Variants in PRORP observed in about 807,000 individuals in gnomAD.
PRORP encodes mitochondrial ribonuclease P catalytic subunit.
Under a neutral mutation model 59.4 loss-of-function variants are expected in PRORP, and 51 were observed. The ratio of observed to expected loss-of-function variants is 0.86; its 90% confidence interval spans 0.69 to 1.08. The LOEUF is 1.08. Ranked by LOEUF, PRORP falls within the 50% of genes least tolerant of loss-of-function variation. The pLI, the probability that PRORP is intolerant of heterozygous loss-of-function variation, is 0.00. For missense variants in PRORP, 646 were observed against 690.3 expected (o/e 0.94, Z 0.72); for synonymous variants, 231 against 245.6 (o/e 0.94, Z 0.55).
At chr14:35,151,637 CAT>C (rs1229307627) in intron 4 of PRORP, among the ~76,000 whole-genome samples, 75 of 112,018 alleles carry the variant, frequency 6.7e-4, no homozygotes, top group African/African-American at 1.8e-3. Context: ...TACACACACA[CAT>C]ACACACACAC....
At chr14:35,204,207 T>C (rs904869356) in intron 5 of PRORP, among the ~76,000 whole-genome samples, 1 of 152,162 alleles carries the variant, frequency 6.6e-6, no homozygotes, top group African/African-American at 2.4e-5. Flanking sequence ...TGTCACATGG[T>C]CATGTTACTG....
intron 5 of PRORP, among the ~76,000 whole-genome samples, chr14:35,225,934 G>A (rs946571493): frequency 3.3e-5 from 5 of 152,082 alleles, no homozygotes; most frequent in African/African-American, 1.2e-4. Context: ...AAGAAGCATA[G>A]CTCCTAAATC....
At position 35,124,010 on chromosome 14, in the gene PRORP, C is replaced by T. The variant is rs145527427; in HGVS notation, c.765C>T (p.Leu255=). 91 of 1,613,936 alleles carry T rather than the reference C, an allele frequency of 5.6e-5. No individual in the cohort carries two copies. In the African/African-American group the frequency reaches 1.1e-3, roughly 19 times the overall value. Residue 255 remains leucine, a synonymous_variant, in exon 2 of 8, where the codon CTC becomes CTT. Coordinates refer to ENST00000534898, the MANE Select transcript of PRORP (RefSeq NM_014672.4). ...ATAATGACTGTATCCAGGGAGCTCTCCTTCATCAAGATGTAAACACAGCTT... is the reference window on the plus strand; with the variant it reads ...ATAATGACTGTATCCAGGGAGCTCTTCTTCATCAAGATGTAAACACAGCTT... ...KNYNDCIQGA[L]LHQDVNTAWN...
At chr14:35,203,054 GT>G (rs879433852) in intron 5 of PRORP, among the ~76,000 whole-genome samples, 1 of 152,032 alleles carries the variant, frequency 6.6e-6, no homozygotes, top group Non-Finnish European at 1.5e-5. Context: ...TAATAAGAAG[GT>G]TTTTTTAAAA....
At chr14:35,180,146 G>T (rs920237427) in intron 4 of PRORP, among the ~76,000 whole-genome samples, 4 of 152,120 alleles carry the variant, frequency 2.6e-5, no homozygotes, top group Non-Finnish European at 4.4e-5. Context: ...GCCCCTACTT[G>T]GGCTACTCGG....
chr14:35,156,429 A>T (rs77332892), intron 4 of PRORP, among the ~76,000 whole-genome samples: 1,916 of 152,194 alleles, frequency 0.013, 35 homozygotes, highest in African/African-American at 0.041. Flanking sequence ...GCTAATTTAA[A>T]CATAGGTGTT....
intron 5 of PRORP, among the ~76,000 whole-genome samples, chr14:35,225,238 G>A (rs1258818034): frequency 6.6e-6 from 1 of 152,166 alleles, no homozygotes; most frequent in Admixed American, 6.5e-5. Flanking sequence ...ATACTTTGGT[G>A]TAGGAGATTT....
chr14:35,215,950 A>G (rs2049577704), intron 5 of PRORP, among the ~76,000 whole-genome samples: 1 of 151,726 alleles, frequency 6.6e-6, no homozygotes, highest in Non-Finnish European at 1.5e-5. Flanking sequence ...TATTTTTAGT[A>G]GAGACCGGGT....
intron 5 of PRORP, among the ~76,000 whole-genome samples, chr14:35,199,264 G>A (rs905799879): frequency 6.6e-6 from 1 of 151,452 alleles, no homozygotes; most frequent in African/African-American, 2.4e-5. Flanking sequence ...GAACCCGGAA[G>A]GCGGATGTTG....
At chr14:35,260,792 A>G (rs1411386045) in intron 5 of PRORP, among the ~76,000 whole-genome samples, 1 of 152,226 alleles carries the variant, frequency 6.6e-6, no homozygotes, top group Non-Finnish European at 1.5e-5. Flanking sequence ...GGTATTTAAC[A>G]GTCAAGTGCT....
intron 4 of PRORP, among the ~76,000 whole-genome samples, chr14:35,150,973 G>A (rs1432354494): frequency 2.6e-5 from 4 of 152,244 alleles, no homozygotes; most frequent in African/African-American, 9.6e-5. Context: ...TACAGCGAGT[G>A]ATCTTTTCTC....
At chr14:35,231,337 T>TA (rs144156810) in intron 5 of PRORP, among the ~76,000 whole-genome samples, 5,039 of 152,272 alleles carry the variant, frequency 0.033, 257 homozygotes, top group African/African-American at 0.11. Context: ...TATGGGAAAT[T>TA]ACCAGTTTTT....
intron 5 of PRORP, among the ~76,000 whole-genome samples, chr14:35,244,747 C>G (rs770261611): frequency 3.3e-5 from 5 of 152,044 alleles, no homozygotes; most frequent in Non-Finnish European, 7.3e-5. Context: ...TAAGAAGTTC[C>G]CTGTGTGTCC....
At chr14:35,167,564 G>T (rs1164934737) in intron 4 of PRORP, among the ~76,000 whole-genome samples, 1 of 152,088 alleles carries the variant, frequency 6.6e-6, no homozygotes, top group Non-Finnish European at 1.5e-5. Context: ...ATACTTTTTA[G>T]CCACGTGGCT....
chr14:35,180,664 T>C lies in PRORP; in HGVS notation c.1168-6T>C, dbSNP rs1436821199. On this transcript the variant is annotated splice_region_variant and splice_polypyrimidine_tract_variant and intron_variant, in intron 4 of 7. Transcript: ENST00000534898. ...ATTAATGTTTTGTCTGACATTTCTTTATTAGGAACTTAAGAGATTTGAGAA... is the reference window on the plus strand; with the variant it reads ...ATTAATGTTTTGTCTGACATTTCTTCATTAGGAACTTAAGAGATTTGAGAA... 1.3e-6 allele frequency: 2 copies of C among 1,566,660 alleles called. No homozygotes were observed. The highest frequency in any genetic ancestry group is 2.2e-5 in the South Asian group (2 of 89,316).
chr14:35,184,416 C>A (rs146397237), intron 5 of PRORP, among the ~76,000 whole-genome samples: 197 of 152,198 alleles, frequency 1.3e-3, no homozygotes, highest in African/African-American at 4.4e-3. Flanking sequence ...ACTGTCATTG[C>A]CTGGGTGTGT....
intron 4 of PRORP, among the ~76,000 whole-genome samples, chr14:35,177,553 G>A (rs1333843666): frequency 3.9e-5 from 6 of 152,138 alleles, no homozygotes; most frequent in African/African-American, 1.4e-4. Context: ...AGTATTCTCT[G>A]ATGGTAGTTT....
At chr14:35,203,062 A>T (rs1421175594) in intron 5 of PRORP, among the ~76,000 whole-genome samples, 7 of 152,326 alleles carry the variant, frequency 4.6e-5, no homozygotes, top group African/African-American at 2.4e-5. Flanking sequence ...AGGTTTTTTT[A>T]AAATAATCTG....
intron 4 of PRORP, among the ~76,000 whole-genome samples, chr14:35,178,460 CTCT>C (rs761957094): frequency 1.4e-4 from 22 of 152,182 alleles, no homozygotes; most frequent in Non-Finnish European, 2.9e-4. Context: ...GGATAGTTAG[CTCT>C]TCTTGTTGAA....
Sources: gnomAD v4.1 joint callset for allele counts (sites outside exome capture counted in the v4.1 genomes callset) on GRCh38, gnomAD v4.1.1 for gene constraint, MANE v1.5 for transcripts, NCBI Gene and HGNC (gene_info 2026-07-23, HGNC 2026-07-21) for gene names.